Variants in FAM81A observed in about 807,000 individuals in gnomAD.
FAM81A encodes the protein family with sequence similarity 81 member A.
In FAM81A, 19 loss-of-function variants were observed where a neutral mutation model predicts 46.7. The observed-to-expected ratio is 0.41, with a 90% CI of 0.28 to 0.60. The LOEUF is 0.60. FAM81A is among the 20% of genes least tolerant of loss of function. The pLI, the probability that FAM81A is intolerant of heterozygous loss-of-function variation, is 0.34. For synonymous variants in FAM81A, 183 were observed against 152.9 expected, an observed-to-expected ratio of 1.20 and a Z score of -1.45; for missense variants, 377 against 453.5, an observed-to-expected ratio of 0.83 and a Z score of 1.53.
intron 3 of FAM81A, among the ~76,000 whole-genome samples, chr15:59,476,741 G>A (rs905528239): frequency 2.0e-4 from 30 of 151,920 alleles, no homozygotes; most frequent in Non-Finnish European, 4.1e-4. Context: ...AGTGAGCCAG[G>A]ATCATGCCAC....
At chr15:59,503,297 A>T (rs1429379233) in intron 4 of FAM81A, among the ~76,000 whole-genome samples, 4 of 151,658 alleles carry the variant, frequency 2.6e-5, no homozygotes, top group African/African-American at 9.7e-5. Context: ...CCTTAGAGGT[A>T]ACTAATGTTA....
At chr15:59,458,453 C>G (rs773125851) in intron 1 of FAM81A, 97 bp from the exon 2 acceptor site, 1 of 730,354 alleles carries the variant, frequency 1.4e-6, no homozygotes, top group Non-Finnish European at 2.2e-6. Context: ...AGTGTTTCAA[C>G]ATAATTTATG....
chr15:59,452,267 G>A (rs894302823), intron 1 of FAM81A, among the ~76,000 whole-genome samples: 3 of 152,156 alleles, frequency 2.0e-5, no homozygotes, highest in African/African-American at 4.8e-5. Flanking sequence ...GATTATAAAC[G>A]CTATTTCAGT....
chr15:59,458,733 A>C (rs758450990), intron 2 of FAM81A, 87 bp downstream of exon 2: 3 of 1,263,402 alleles, frequency 2.4e-6, no homozygotes, highest in Non-Finnish European at 2.3e-6. Flanking sequence ...ACATTATCGG[A>C]GAATGGTTTT....
intron 4 of FAM81A, among the ~76,000 whole-genome samples, chr15:59,504,546 A>G (rs2082129237): frequency 6.6e-6 from 1 of 152,334 alleles, no homozygotes; most frequent in East Asian, 1.9e-4. Context: ...TTTAGAGTCA[A>G]TAATAAGTTT....
intron 6 of FAM81A, among the ~76,000 whole-genome samples, chr15:59,512,216 C>T (rs1057022739): frequency 5.3e-5 from 8 of 151,956 alleles, no homozygotes; most frequent in Non-Finnish European, 8.8e-5. Flanking sequence ...AGGGGGCTAA[C>T]GCCTGTAATC....
At chr15:59,505,428 C>T (rs1250089439) in intron 4 of FAM81A, among the ~76,000 whole-genome samples, 1 of 151,746 alleles carries the variant, frequency 6.6e-6, no homozygotes, top group Non-Finnish European at 1.5e-5. Flanking sequence ...AGGAGAACGG[C>T]TTGAACCCAG....
intron 3 of FAM81A, among the ~76,000 whole-genome samples, chr15:59,483,335 C>G (rs2081877805): frequency 6.6e-6 from 1 of 151,938 alleles, no homozygotes; most frequent in South Asian, 2.1e-4. Flanking sequence ...CTGTGGCCGC[C>G]CAGTGAAATT....
chr15:59,431,096 G>A (rs4410021), intron 2 of FAM81A, among the ~76,000 whole-genome samples: 151,131 of 152,326 alleles, frequency 0.99, 74,988 homozygotes, highest in Middle Eastern at 1. Context: ...TAGGCACTAT[G>A]TTATCTTCAT....
intron 4 of FAM81A, among the ~76,000 whole-genome samples, 166 bp downstream of exon 4, chr15:59,492,555 G>A (rs1228583601): frequency 6.6e-6 from 1 of 152,128 alleles, no homozygotes; most frequent in African/African-American, 2.4e-5. Flanking sequence ...GTTAAACCTG[G>A]TTGTGAGGGT....
At chr15:59,518,689 A>G (rs1269468241) in intron 8 of FAM81A, among the ~76,000 whole-genome samples, 3 of 152,160 alleles carry the variant, frequency 2.0e-5, no homozygotes, top group Non-Finnish European at 4.4e-5. Context: ...TAACTTTAAT[A>G]CAATGTATCA....
chr15:59,479,487 G>C (rs573275847), intron 3 of FAM81A, among the ~76,000 whole-genome samples: 1 of 143,516 alleles, frequency 7.0e-6, no homozygotes, highest in South Asian at 2.3e-4. Flanking sequence ...CTCCAGCCTG[G>C]GTGACAGAGT....
chr15:59,485,182 G>C (rs1262649463), intron 3 of FAM81A, among the ~76,000 whole-genome samples: 1 of 152,178 alleles, frequency 6.6e-6, no homozygotes, highest in African/African-American at 2.4e-5. Context: ...TGGAGCCTGG[G>C]GGAACTCATT....
At chr15:59,420,407 T>G (rs1010463622) in intron 2 of FAM81A, among the ~76,000 whole-genome samples, 1 of 152,214 alleles carries the variant, frequency 6.6e-6, no homozygotes. Flanking sequence ...TCTAACAAAA[T>G]TAAACAACCC....
At chr15:59,484,817 T>C (rs773610991) in intron 3 of FAM81A, among the ~76,000 whole-genome samples, 1 of 152,068 alleles carries the variant, frequency 6.6e-6, no homozygotes, top group Non-Finnish European at 1.5e-5. Context: ...AAGAAGTCTT[T>C]TGGGGTCCCT....
chr15:59,508,019 A>G (rs1229759615), intron 5 of FAM81A, among the ~76,000 whole-genome samples: 3 of 152,252 alleles, frequency 2.0e-5, no homozygotes, highest in East Asian at 1.9e-4. Context: ...TGGATTAAAT[A>G]CATTTATACC....
At chr15:59,426,194 A>G (rs2081193753) in intron 2 of FAM81A, among the ~76,000 whole-genome samples, 1 of 152,252 alleles carries the variant, frequency 6.6e-6, no homozygotes, top group South Asian at 2.1e-4. Context: ...GAATAAAGGC[A>G]GTAAGACTCT....
intron 4 of FAM81A, among the ~76,000 whole-genome samples, chr15:59,493,175 G>A (rs181885151): frequency 1.3e-5 from 2 of 152,326 alleles, no homozygotes; most frequent in South Asian, 2.1e-4. Flanking sequence ...GCATGGAGTC[G>A]GGTGGAAGAA....
At chr15:59,497,229 C>T (rs143336531) in intron 4 of FAM81A, among the ~76,000 whole-genome samples, 2,347 of 150,308 alleles carry the variant, frequency 0.016, 62 homozygotes, top group African/African-American at 0.054. Flanking sequence ...GGGCAGATCA[C>T]GAGATCAGGA....
Sources: gnomAD v4.1 joint callset for allele counts (sites outside exome capture counted in the v4.1 genomes callset) on GRCh38, gnomAD v4.1.1 for gene constraint, MANE v1.5 for transcripts, NCBI Gene and HGNC (gene_info 2026-07-23, HGNC 2026-07-21) for gene names.